The following LRP1B variants were observed in gnomAD, a reference collection of about 807,000 sequenced individuals.
The protein encoded by LRP1B is low-density lipoprotein receptor-related protein 1B.
A neutral mutation model predicts 556.6 loss-of-function variants in LRP1B; 217 were observed. The observed-to-expected ratio is 0.39, with a 90% CI of 0.35 to 0.44. The LOEUF (loss-of-function observed/expected upper bound fraction) is 0.44, where lower values mean the gene tolerates loss of function less well. Ranked by LOEUF, LRP1B falls within the 20% of genes least tolerant of loss-of-function variation. LRP1B has a pLI of 1.00. For synonymous variants in LRP1B, 2,047 were observed against 1,865.8 expected (o/e 1.10, Z -2.50); for missense variants, 5,053 against 5,620.8 (o/e 0.90, Z 3.23).
At chr2:141,927,112 T>G (rs1019558145) in intron 1 of LRP1B, among the ~76,000 whole-genome samples, 2 of 152,170 alleles carry the variant, frequency 1.3e-5, no homozygotes, top group Admixed American at 6.6e-5. Context: ...ATGTGGCATA[T>G]ACTACATAAT....
chr2:142,118,180 T>C (rs976716067), intron 1 of LRP1B, among the ~76,000 whole-genome samples: 1 of 152,152 alleles, frequency 6.6e-6, no homozygotes, highest in Non-Finnish European at 1.5e-5. Context: ...TTTATTCTTA[T>C]TACAAATTGC....
chr2:141,167,664 T>G (rs1423597737), intron 7 of LRP1B, among the ~76,000 whole-genome samples: 1 of 151,916 alleles, frequency 6.6e-6, no homozygotes, highest in Non-Finnish European at 1.5e-5. Flanking sequence ...CATCTAGGTG[T>G]TAATTCATCT....
chr2:141,676,249 T>C (rs1390758225), intron 2 of LRP1B, among the ~76,000 whole-genome samples: 2 of 152,074 alleles, frequency 1.3e-5, no homozygotes, highest in Non-Finnish European at 2.9e-5. Context: ...CATGTTTGTA[T>C]CCCCAGTGCC....
chr2:140,408,957 T>A (rs1684859373), intron 66 of LRP1B, among the ~76,000 whole-genome samples: 1 of 151,892 alleles, frequency 6.6e-6, no homozygotes, highest in East Asian at 1.9e-4. Flanking sequence ...AGAGGAGTAA[T>A]CACATTAAGC....
At chr2:140,688,744 A>G (rs1686136530) in intron 41 of LRP1B, among the ~76,000 whole-genome samples, 1 of 152,224 alleles carries the variant, frequency 6.6e-6, no homozygotes, top group Non-Finnish European at 1.5e-5. Flanking sequence ...ATATTGAGCC[A>G]GTTCTCATGT....
intron 2 of LRP1B, among the ~76,000 whole-genome samples, chr2:141,674,202 C>A (rs958613423): frequency 2.6e-5 from 4 of 152,016 alleles, no homozygotes; most frequent in Admixed American, 2.0e-4. Flanking sequence ...AAAATATCAA[C>A]CCATTTTTCA....
At chr2:141,298,378 TG>T (rs1324393904) in intron 3 of LRP1B, among the ~76,000 whole-genome samples, 1 of 150,656 alleles carries the variant, frequency 6.6e-6, no homozygotes, top group African/African-American at 2.5e-5. Flanking sequence ...GTGGAAACTT[TG>T]GATCTTGTGG....
chr2:140,382,475 C>T (rs1019240010), intron 67 of LRP1B, among the ~76,000 whole-genome samples: 6 of 151,970 alleles, frequency 3.9e-5, no homozygotes, highest in Non-Finnish European at 7.4e-5. Context: ...ACCTCTGATC[C>T]GGATTACAAA....
At chr2:141,073,018 T>C (rs538156209) in intron 7 of LRP1B, among the ~76,000 whole-genome samples, 158 of 152,228 alleles carry the variant, frequency 1.0e-3, no homozygotes, top group African/African-American at 3.7e-3. Flanking sequence ...CCTTTTCTAC[T>C]AAATGTCATA....
intron 25 of LRP1B, among the ~76,000 whole-genome samples, chr2:140,881,736 C>T (rs966292997): frequency 1.3e-5 from 2 of 152,110 alleles, no homozygotes; most frequent in Non-Finnish European, 2.9e-5. Context: ...ATCAACTCCC[C>T]CAGAAGCATT....
intron 25 of LRP1B, among the ~76,000 whole-genome samples, chr2:140,883,449 C>G (rs1693535828): frequency 6.6e-6 from 1 of 151,812 alleles, no homozygotes; most frequent in African/African-American, 2.4e-5. Flanking sequence ...AGTTTCCAAC[C>G]ATTAGAAACA....
chr2:141,796,578 C>CTTTT (rs75317117), intron 2 of LRP1B, among the ~76,000 whole-genome samples: 1 of 127,574 alleles, frequency 7.8e-6, no homozygotes. Context: ...GCATTTTATT[C>CTTTT]TTTTTTTTTT....
chr2:140,913,924 A>G (rs1225045424), intron 21 of LRP1B, among the ~76,000 whole-genome samples: 1 of 150,890 alleles, frequency 6.6e-6, no homozygotes, highest in Non-Finnish European at 1.5e-5. Context: ...GAATTCACAC[A>G]AAAGATGAAA....
chr2:140,427,411 G>C (rs951675651), intron 66 of LRP1B, among the ~76,000 whole-genome samples: 1 of 151,790 alleles, frequency 6.6e-6, no homozygotes, highest in Non-Finnish European at 1.5e-5. Context: ...CCCTCCGTTC[G>C]TCCTTCTTCT....
At chr2:141,142,594 TTTATA>T (rs1489752830) in intron 7 of LRP1B, among the ~76,000 whole-genome samples, 1 of 152,180 alleles carries the variant, frequency 6.6e-6, no homozygotes, top group Non-Finnish European at 1.5e-5. Flanking sequence ...AAATAGTTTT[TTTATA>T]TTAATATTCC....
intron 10 of LRP1B, among the ~76,000 whole-genome samples, chr2:141,054,275 G>A (rs1169009229): frequency 6.6e-6 from 1 of 151,836 alleles, no homozygotes; most frequent in Non-Finnish European, 1.5e-5. Flanking sequence ...CTGTCACTAT[G>A]ACAAAGGTAA....
intron 66 of LRP1B, among the ~76,000 whole-genome samples, chr2:140,422,396 A>G (rs1201902316): frequency 1.3e-5 from 2 of 152,236 alleles, no homozygotes; most frequent in Non-Finnish European, 2.9e-5. Context: ...GCAGGCACAC[A>G]GCAGTGGAGA....
intron 1 of LRP1B, among the ~76,000 whole-genome samples, chr2:141,880,832 G>A (rs6710931): frequency 0.02 from 3,108 of 151,918 alleles, 106 homozygotes; most frequent in African/African-American, 0.071. Flanking sequence ...ATACATCATC[G>A]TGAATTCACA....
At chr2:141,450,551 T>A (rs965687645) in intron 3 of LRP1B, among the ~76,000 whole-genome samples, 1 of 151,322 alleles carries the variant, frequency 6.6e-6, no homozygotes, top group East Asian at 1.9e-4. Flanking sequence ...ATCCTATTTT[T>A]AAAAAAATAA....
Sources: allele counts gnomAD v4.1 joint callset (sites outside exome capture counted in the v4.1 genomes callset), GRCh38; gene constraint gnomAD v4.1.1; transcripts MANE v1.5; gene names NCBI Gene and HGNC (gene_info 2026-07-23, HGNC 2026-07-21).